PDS5B: variants seen among roughly 807,000 people sequenced by gnomAD.
The protein encoded by PDS5B is sister chromatid cohesion protein PDS5 homolog B.
PDS5B carries 51 observed loss-of-function variants against 184.1 expected under a neutral mutation model. The ratio of observed to expected loss-of-function variants is 0.28; its 90% CI spans 0.22 to 0.35. PDS5B has a LOEUF of 0.35. Ranked by LOEUF, PDS5B falls within the 10% of genes least tolerant of loss-of-function variation. The pLI is 1.00. For synonymous variants in PDS5B, 566 were observed against 569.2 expected (o/e 0.99, Z 0.08); for missense variants, 1,180 against 1,723.3 (o/e 0.68, Z 5.58).
At chr13:32,655,375 T>TATATATATATATATATATATATATATA (rs1555296358) in intron 3 of PDS5B, among the ~76,000 whole-genome samples, 19 of 50,856 alleles carry the variant, frequency 3.7e-4, no homozygotes, top group Non-Finnish European at 4.7e-4. Context: ...TATATATATA[T>TATATATATATATATATATATATATATA]TTTTTTTTTT....
chr13:32,716,718 G>A lies in PDS5B; in HGVS notation c.2123+6612G>A, dbSNP rs1241863786. 4.9e-5 allele frequency among the ~76,000 whole-genome samples: 6 copies of A among 122,466 alleles called. 1 individual carries two copies. The highest frequency in any genetic ancestry group is 1.1e-4 in the Non-Finnish European group (6 of 56,516). The allele number at this position is 122,466 out of a possible 152,430, so 80.3% of individuals were successfully genotyped here. On this transcript the variant is annotated intron_variant, in intron 19 of 34. Coordinates refer to ENST00000315596, the MANE Select transcript of PDS5B (RefSeq NM_015032.4). Reference sequence around the variant, plus strand: ...CTGCCCCGTTTGGGAGGTGAGGGGCGCTTTTGCCCAGCCGCCCCTACTGGG... The same window carrying A: ...CTGCCCCGTTTGGGAGGTGAGGGGCACTTTTGCCCAGCCGCCCCTACTGGG...
rs138233678 is a variant in PDS5B, at chr13:32,618,728, T to G, written c.-19-30026T>G. Among the ~76,000 whole-genome samples, 630 of 152,336 alleles carry G rather than the reference T, an allele frequency of 4.1e-3. 6 individuals carry two copies. Among genetic ancestry groups the G allele is most frequent in the African/African-American group, 0.014 (587 of 41,580 alleles). On this transcript the variant is annotated intron_variant, in intron 1 of 34. Coordinates refer to ENST00000315596, the MANE Select transcript of PDS5B (RefSeq NM_015032.4). ...ATTCATGTATTTATTTATATTTACT[T>G]TTGTTTAAGAAGTCATCTCTTCAAA...
At position 32,678,940 on chromosome 13, in the gene PDS5B, TATGTAAC is replaced by T; in HGVS notation, c.1057+13_1057+19del. On this transcript the variant is annotated intron_variant, in intron 10 of 34. Coordinates refer to ENST00000315596, the MANE Select transcript of PDS5B (RefSeq NM_015032.4). The stretch of plus-strand genomic sequence containing the variant: ...CAAAAGACTTAACAGGTACTATATA[TATGTAAC>T]AGCAAATATTCTTACGTGCTCTTCA... 1.5e-6 allele frequency: 2 copies of T among 1,356,346 alleles called. No individual in the cohort carries two copies. The highest frequency in any genetic ancestry group is 1.1e-6 in the Non-Finnish European group (1 of 945,918). 84.0% of individuals were successfully genotyped at this position (1,356,346 alleles called of 1,614,324 possible). A position where few individuals can be genotyped will look rare whatever the true frequency, so the allele number is the denominator to read the frequency against.
At chr13:32,596,339 C>T (rs139218644) in intron 1 of PDS5B, among the ~76,000 whole-genome samples, 48 of 152,278 alleles carry the variant, frequency 3.2e-4, no homozygotes, top group Middle Eastern at 6.8e-3. Context: ...TTTTGAGATT[C>T]ATCCATGGGG....
intron 1 of PDS5B, among the ~76,000 whole-genome samples, chr13:32,635,421 A>G (rs61948860): frequency 0.43 from 62,439 of 144,508 alleles, 13,668 homozygotes; most frequent in African/African-American, 0.5. Flanking sequence ...TTGGCTCACT[A>G]CAACCTCCGC....
At chr13:32,660,127 CCTCA>C (rs1950605449) in intron 6 of PDS5B, among the ~76,000 whole-genome samples, 1 of 152,104 alleles carries the variant, frequency 6.6e-6, no homozygotes, top group South Asian at 2.1e-4. Flanking sequence ...TCTTCCCACC[CCTCA>C]CTCCTTCCTG....
intron 19 of PDS5B, among the ~76,000 whole-genome samples, chr13:32,714,438 C>T (rs948917652): frequency 6.6e-6 from 1 of 152,118 alleles, no homozygotes; most frequent in Non-Finnish European, 1.5e-5. Flanking sequence ...TGAGATCAAC[C>T]GGTCTGACCA....
At chr13:32,706,158 A>G (rs1230663869) in intron 17 of PDS5B, among the ~76,000 whole-genome samples, 1 of 151,858 alleles carries the variant, frequency 6.6e-6, no homozygotes, top group Non-Finnish European at 1.5e-5. Context: ...CGCACCTGTA[A>G]TCCCAGCTAC....
intron 1 of PDS5B, among the ~76,000 whole-genome samples, chr13:32,635,742 T>C (rs1303901355): frequency 6.6e-6 from 1 of 151,060 alleles, no homozygotes; most frequent in Non-Finnish European, 1.5e-5. Context: ...CTGTTCAGTT[T>C]GCTCCGATTT....
chr13:32,774,928 T>G, intron 34 of PDS5B, 89 bp from the exon 35 acceptor site: 6 of 1,194,012 alleles, frequency 5.0e-6, no homozygotes, highest in African/African-American at 1.5e-5. Flanking sequence ...CAGGAACAAA[T>G]GAGAATAAAG....
chr13:32,610,538 A>C (rs1566245147), intron 1 of PDS5B, among the ~76,000 whole-genome samples: 1 of 152,150 alleles, frequency 6.6e-6, no homozygotes, highest in Non-Finnish European at 1.5e-5. Context: ...TTTCCTTCTT[A>C]CACTTGAGGA....
intron 19 of PDS5B, among the ~76,000 whole-genome samples, chr13:32,725,186 T>G (rs1489947825): frequency 6.6e-6 from 1 of 152,184 alleles, no homozygotes. Flanking sequence ...AAATGCTTGA[T>G]TTTTTGAATG....
In PDS5B at chr13:32,742,734, A is replaced by G; in HGVS notation, c.2612+7A>G. 1 of 1,609,532 alleles carries G rather than the reference A, an allele frequency of 6.2e-7. No individual in the cohort carries two copies. The highest frequency in any genetic ancestry group is 8.5e-7 in the Non-Finnish European group (1 of 1,176,506). On this transcript the variant is annotated splice_region_variant and intron_variant, in intron 23 of 34. Coordinates refer to ENST00000315596, the MANE Select transcript of PDS5B (RefSeq NM_015032.4). ...CAGAACAGGGGAAAATTAGGTATGC[A>G]ATTACTATTTCACAGTTCTTTGGAT...
At chr13:32,671,092 G>A (rs1226021718) in intron 7 of PDS5B, among the ~76,000 whole-genome samples, 1 of 152,066 alleles carries the variant, frequency 6.6e-6, no homozygotes, top group African/African-American at 2.4e-5. Context: ...GGAAGGACTT[G>A]GATTGTTTTA....
intron 16 of PDS5B, among the ~76,000 whole-genome samples, chr13:32,700,296 A>G (rs1347167252): frequency 2.0e-5 from 3 of 152,122 alleles, no homozygotes; most frequent in Non-Finnish European, 4.4e-5. Flanking sequence ...GCATGGGCTA[A>G]CAGCTCATTT....
Position 32,750,820 on chromosome 13 carries a change from G to A in PDS5B, c.2737-2512G>A, listed in dbSNP as rs1230574500. Among the ~76,000 whole-genome samples the A allele has an allele frequency of 2.6e-5, 4 of 151,524 alleles. No homozygotes were observed. The South Asian group carries it at 8.3e-4, about 32-fold the overall frequency. ...GCCTCCCAAAGTGTTGGAATTTCAG[G>A]CGTGAGCCACTGCGCCCGGCCTCCC... is the stretch of plus-strand genomic sequence containing the variant. On this transcript the variant is annotated intron_variant, in intron 24 of 34. Transcript: ENST00000315596.
chr13:32,674,638 AG>A (rs1951019373), intron 8 of PDS5B, among the ~76,000 whole-genome samples: 1 of 151,660 alleles, frequency 6.6e-6, no homozygotes, highest in Non-Finnish European at 1.5e-5. Context: ...TGAGAGGAAG[AG>A]GAAAAAAAAT....
At chr13:32,697,238 T>G (rs996245340) in intron 15 of PDS5B, among the ~76,000 whole-genome samples, 2 of 152,204 alleles carry the variant, frequency 1.3e-5, no homozygotes, top group Non-Finnish European at 2.9e-5. Flanking sequence ...AAAATATTAA[T>G]TTGCTTTTTT....
rs573825726 is a variant in PDS5B, at chr13:32,676,017, T to A, written c.962+58T>A. The A allele has an allele frequency of 2.2e-5, 20 of 892,888 alleles. No individual in the cohort carries two copies. The East Asian group carries it at 4.4e-4, about 20-fold the overall frequency. 55.3% of individuals were successfully genotyped at this position (892,888 alleles called of 1,614,324 possible). ...TACATTATTCTACTGACCGTTTTTT[T>A]AAGAAACATTATCCACATTTAAACT... On this transcript the variant is annotated intron_variant, in intron 9 of 34. Transcript: ENST00000315596.
Sources: gnomAD v4.1 joint callset for allele counts (sites outside exome capture counted in the v4.1 genomes callset) on GRCh38, gnomAD v4.1.1 for gene constraint, MANE v1.5 for transcripts, NCBI Gene and HGNC (gene_info 2026-07-23, HGNC 2026-07-21) for gene names.